Variants in SUFU observed in about 807,000 individuals in gnomAD.
SUFU encodes SUFU negative regulator of hedgehog signaling.
A neutral mutation model predicts 58.9 loss-of-function variants in SUFU; 7 were observed. The ratio of observed to expected loss-of-function variants is 0.12; its 90% CI spans 0.07 to 0.22. The LOEUF is 0.22. Among genes scored for constraint, SUFU ranks in the 10% least tolerant of loss-of-function variants. The pLI is 1.00. For synonymous variants in SUFU, 232 were observed against 254.8 expected, an observed-to-expected ratio of 0.91 and a Z score of 0.85; for missense variants, 451 against 641.3, an observed-to-expected ratio of 0.70 and a Z score of 3.20.
At chr10:102,531,082 CAAAAAAAA>C (rs5787463) in intron 2 of SUFU, among the ~76,000 whole-genome samples, 4 of 95,424 alleles carry the variant, frequency 4.2e-5, no homozygotes, top group East Asian at 3.0e-4. Flanking sequence ...CCATTTCTAC[CAAAAAAAA>C]AAAAAAAAAA....
intron 8 of SUFU, among the ~76,000 whole-genome samples, chr10:102,600,824 G>A (rs1164679106): frequency 6.6e-6 from 1 of 152,192 alleles, no homozygotes; most frequent in Non-Finnish European, 1.5e-5. Flanking sequence ...GCAAAAGCCT[G>A]GAGAAGCCTC....
Position 102,577,080 on chromosome 10 carries a change from C to CTTTTT in SUFU, c.455-15498_455-15497insTTTTT, listed in dbSNP as rs10656431. Among the ~76,000 whole-genome samples, 21 of 97,084 alleles carry CTTTTT rather than the reference C, an allele frequency of 2.2e-4. 3 individuals carry two copies. The highest frequency in any genetic ancestry group is 3.8e-4 in the Non-Finnish European group (17 of 45,258). 63.7% of individuals were successfully genotyped at this position (97,084 alleles called of 152,430 possible). On this transcript the variant is annotated intron_variant, in intron 3 of 11. Coordinates refer to ENST00000369902, the MANE Select transcript of SUFU (RefSeq NM_016169.4). ...AGTAGAAGCATGTCCTGGATTTTTT[C>CTTTTT]TTTTCTTTTTTTTTTTTTTTTGAGA...
chr10:102,577,042 A>G (rs2063218564), intron 3 of SUFU, among the ~76,000 whole-genome samples: 1 of 151,468 alleles, frequency 6.6e-6, no homozygotes, highest in Non-Finnish European at 1.5e-5. Context: ...CTCTTCAGGA[A>G]GAAGATGGGA....
chr10:102,576,683 GT>G (rs2063215059), intron 3 of SUFU, among the ~76,000 whole-genome samples: 1 of 152,156 alleles, frequency 6.6e-6, no homozygotes, highest in African/African-American at 2.4e-5. Context: ...GACCATACTA[GT>G]TTATAGGTCC....
At chr10:102,578,900 G>C (rs2063244281) in intron 3 of SUFU, among the ~76,000 whole-genome samples, 1 of 151,964 alleles carries the variant, frequency 6.6e-6, no homozygotes, top group Admixed American at 6.6e-5. Flanking sequence ...AGAGCAAAGA[G>C]GCTTGGGCTC....
At position 102,597,261 on chromosome 10, in the gene SUFU, T is replaced by A. The variant is rs1487599100; in HGVS notation, c.878T>A (p.Ile293Asn). 1.2e-6 allele frequency: 2 copies of A among 1,613,882 alleles called. No homozygotes were observed. The highest frequency in any genetic ancestry group is 1.7e-6 in the Non-Finnish European group (2 of 1,180,000). Reference protein sequence around the residue: ...EDDEDSRSICIGTQPRRLSGK... With the variant: ...EDDEDSRSICNGTQPRRLSGK... ...GACGAGGACAGCCGGAGCATCTGCATCGGCACACAGCCCCGGCGACTCTCT... is the reference window on the plus strand; with the variant it reads ...GACGAGGACAGCCGGAGCATCTGCAACGGCACACAGCCCCGGCGACTCTCT... Residue 293 changes from isoleucine (I) to asparagine (N), a missense_variant, in exon 7 of 12, where the codon ATC becomes AAC. Physicochemically the swap from Ile to Asn is moderately radical, Grantham distance 149 (BLOSUM62 -3). Transcript: ENST00000369902.
intron 3 of SUFU, among the ~76,000 whole-genome samples, chr10:102,551,877 A>G (rs1260035238): frequency 6.7e-6 from 1 of 149,940 alleles, no homozygotes; most frequent in South Asian, 2.2e-4. Context: ...GGTGCCCGCC[A>G]CCACGCCTGG....
intron 2 of SUFU, among the ~76,000 whole-genome samples, chr10:102,543,823 A>G (rs143993728): frequency 6.6e-6 from 1 of 152,354 alleles, no homozygotes; most frequent in East Asian, 1.9e-4. Flanking sequence ...TTTAATCCCC[A>G]ATAACAACTC....
rs574426461 is a variant in SUFU at position 102,507,808 on chromosome 10, C to T, written c.183-1361C>T. Among the ~76,000 whole-genome samples, 5 of 152,298 alleles carry T rather than the reference C, an allele frequency of 3.3e-5. No homozygotes were observed. In the South Asian group the frequency reaches 6.2e-4, roughly 19 times the overall value. ...ATCCCAGTTGCAAAGTGTACTCCAT[C>T]GATGTCCCAGGGGCAGGTGAAGCTT... On this transcript the variant is annotated intron_variant, in intron 1 of 11. Transcript: ENST00000369902.
intron 3 of SUFU, among the ~76,000 whole-genome samples, chr10:102,575,164 T>C (rs1037004068): frequency 6.6e-6 from 1 of 151,814 alleles, no homozygotes; most frequent in Non-Finnish European, 1.5e-5. Flanking sequence ...CAGTGAGCCA[T>C]AATGGTGCCA....
chr10:102,575,939 G>A (rs1366024021), intron 3 of SUFU, among the ~76,000 whole-genome samples: 1 of 152,034 alleles, frequency 6.6e-6, no homozygotes, highest in Admixed American at 6.6e-5. Context: ...CCGGGCTCAA[G>A]TGATCCTCCC....
Position 102,567,947 on chromosome 10 carries a change from G to C in SUFU, c.454+17841G>C, listed in dbSNP as rs140349836. ...ACTATCAACCTCCTGGGCCAACCGG[G>C]CATGTCTAGGTCCTCCTGTATTGAG... On this transcript the variant is annotated intron_variant, in intron 3 of 11. Coordinates refer to ENST00000369902, the MANE Select transcript of SUFU (RefSeq NM_016169.4). Among the ~76,000 whole-genome samples, 97 of 152,244 alleles carry C rather than the reference G, an allele frequency of 6.4e-4. 1 individual carries two copies. The highest frequency in any genetic ancestry group is 2.2e-3 in the African/African-American group (90 of 41,542).
chr10:102,618,982 T>C, intron 10 of SUFU: 1 of 873,572 alleles, frequency 1.1e-6, no homozygotes. Context: ...GTGTGTGTAA[T>C]GTTCAAGCAC....
intron 2 of SUFU, among the ~76,000 whole-genome samples, chr10:102,509,889 G>A (rs748062472): frequency 3.9e-5 from 6 of 152,096 alleles, no homozygotes; most frequent in Non-Finnish European, 8.8e-5. Context: ...CCAGGCTAGA[G>A]TGCAGTGGTA....
chr10:102,613,395 C>A (rs867119837), intron 8 of SUFU, among the ~76,000 whole-genome samples: 2 of 152,208 alleles, frequency 1.3e-5, no homozygotes, highest in African/African-American at 4.8e-5. Flanking sequence ...CAGGCAGGCA[C>A]GGCCCATGAC....
chr10:102,563,627 A>G (rs1590033272), intron 3 of SUFU, among the ~76,000 whole-genome samples: 2 of 151,834 alleles, frequency 1.3e-5, no homozygotes, highest in African/African-American at 4.8e-5. Context: ...AGCCAGGATC[A>G]TGCCACTGCA....
intron 2 of SUFU, among the ~76,000 whole-genome samples, chr10:102,548,056 CAA>C (rs1590017318): frequency 6.6e-6 from 1 of 152,082 alleles, no homozygotes; most frequent in African/African-American, 2.4e-5. Flanking sequence ...GAGGCTGAGA[CAA>C]GAGGATCGCT....
At chr10:102,553,253 GAAAAGT>G (rs1437918773) in intron 3 of SUFU, among the ~76,000 whole-genome samples, 2 of 152,144 alleles carry the variant, frequency 1.3e-5, no homozygotes, top group Non-Finnish European at 2.9e-5. Flanking sequence ...AAATGATAAA[GAAAAGT>G]AAATGGTAAC....
chr10:102,502,979 A>C (rs2062270405), upstream of SUFU, among the ~76,000 whole-genome samples: 1 of 152,204 alleles, frequency 6.6e-6, no homozygotes, highest in South Asian at 2.1e-4. Flanking sequence ...TTCGCAGTGC[A>C]TGCTGAGGTA....
Sources: allele counts gnomAD v4.1 joint callset (sites outside exome capture counted in the v4.1 genomes callset), GRCh38; gene constraint gnomAD v4.1.1; transcripts MANE v1.5; gene names NCBI Gene and HGNC (gene_info 2026-07-23, HGNC 2026-07-21).